The following APBB2 variants were observed in gnomAD, a reference collection of about 807,000 sequenced individuals.
The protein encoded by APBB2 is Fe65-like 1.
APBB2 carries 38 observed loss-of-function variants against 82.5 expected under a neutral mutation model. The observed-to-expected ratio is 0.46, with a 90% CI of 0.36 to 0.60. The LOEUF is 0.60. Ranked by LOEUF, APBB2 falls within the 20% of genes least tolerant of loss-of-function variation. The probability of loss-of-function intolerance (pLI) is 0.00; values close to 1 mark genes in which losing one functional copy is unlikely to be tolerated. For synonymous variants in APBB2, 341 were observed against 368.2 expected (o/e 0.93, Z 0.85); for missense variants, 772 against 972.3 (o/e 0.79, Z 2.74).
At chr4:41,173,706 A>G (rs1177567288) in intron 1 of APBB2, among the ~76,000 whole-genome samples, 1 of 152,216 alleles carries the variant, frequency 6.6e-6, no homozygotes, top group African/African-American at 2.4e-5. Flanking sequence ...AATTGAGTAG[A>G]GTAACATGCT....
intron 10 of APBB2, among the ~76,000 whole-genome samples, chr4:40,916,730 G>A (rs1005760406): frequency 6.6e-6 from 1 of 152,158 alleles, no homozygotes; most frequent in Non-Finnish European, 1.5e-5. Flanking sequence ...ATGACTGACC[G>A]ACCCTGGTGA....
At chr4:40,975,118 C>A (rs1049533238) in intron 6 of APBB2, among the ~76,000 whole-genome samples, 3 of 152,130 alleles carry the variant, frequency 2.0e-5, no homozygotes, top group African/African-American at 7.2e-5. Context: ...TCCCTAATAC[C>A]AGAGGGCTTG....
intron 3 of APBB2, among the ~76,000 whole-genome samples, chr4:41,089,277 G>A (rs988546994): frequency 6.6e-6 from 1 of 152,108 alleles, no homozygotes; most frequent in African/African-American, 2.4e-5. Flanking sequence ...TCAGATTTTT[G>A]GGATTTTGGA....
At chr4:40,890,597 C>G (rs1021990754) in intron 11 of APBB2, 106 bp from the exon 12 acceptor site, 10 of 1,448,056 alleles carry the variant, frequency 6.9e-6, no homozygotes, top group Non-Finnish European at 8.4e-6. Context: ...AAGAAGCCAC[C>G]CTGGGGTCTG....
intron 3 of APBB2, among the ~76,000 whole-genome samples, chr4:41,075,689 G>A (rs1347594900): frequency 6.6e-6 from 1 of 152,146 alleles, no homozygotes; most frequent in African/African-American, 2.4e-5. Flanking sequence ...ATGGCTCCAG[G>A]CAATGAAGGT....
chr4:41,164,188 C>T (rs1356718186), intron 1 of APBB2, among the ~76,000 whole-genome samples: 1 of 152,136 alleles, frequency 6.6e-6, no homozygotes, highest in African/African-American at 2.4e-5. Flanking sequence ...TAATTTTGTG[C>T]ATGAAACAAA....
At chr4:40,917,352 G>T (rs778011360) in intron 10 of APBB2, among the ~76,000 whole-genome samples, 1 of 152,102 alleles carries the variant, frequency 6.6e-6, no homozygotes, top group Non-Finnish European at 1.5e-5. Context: ...GAAGTGACTT[G>T]CCCAAGGTCT....
At chr4:40,915,672 C>T (rs537316761) in intron 10 of APBB2, among the ~76,000 whole-genome samples, 5 of 152,026 alleles carry the variant, frequency 3.3e-5, no homozygotes, top group Non-Finnish European at 5.9e-5. Flanking sequence ...CAAAGACCTA[C>T]AAAGACTTCA....
intron 1 of APBB2, among the ~76,000 whole-genome samples, chr4:41,149,328 T>G (rs760055550): frequency 6.6e-6 from 1 of 152,178 alleles, no homozygotes; most frequent in Non-Finnish European, 1.5e-5. Context: ...AGTTCAACTT[T>G]AACATGCCAA....
At chr4:41,008,166 G>A (rs1384321045) in intron 6 of APBB2, among the ~76,000 whole-genome samples, 1 of 152,136 alleles carries the variant, frequency 6.6e-6, no homozygotes, top group Non-Finnish European at 1.5e-5. Context: ...TAAAACACTG[G>A]AGCTGTGTCG....
At chr4:41,096,832 C>A (rs1253806615) in intron 3 of APBB2, among the ~76,000 whole-genome samples, 1 of 152,162 alleles carries the variant, frequency 6.6e-6, no homozygotes, top group Non-Finnish European at 1.5e-5. Flanking sequence ...GTACATGCTA[C>A]ATAAAGGTTA....
At chr4:41,082,993 T>C (rs1409442083) in intron 3 of APBB2, among the ~76,000 whole-genome samples, 1 of 151,820 alleles carries the variant, frequency 6.6e-6, no homozygotes, top group African/African-American at 2.4e-5. Flanking sequence ...TGAAACCCCA[T>C]CTCTACTAAA....
intron 3 of APBB2, among the ~76,000 whole-genome samples, chr4:41,097,007 G>C (rs1332739567): frequency 6.6e-6 from 1 of 152,148 alleles, no homozygotes; most frequent in Non-Finnish European, 1.5e-5. Context: ...AAAACATTCT[G>C]GATCTCCAAT....
chr4:40,918,672 TTTCCTTCC>T (rs959705028), intron 10 of APBB2, among the ~76,000 whole-genome samples: 7 of 151,968 alleles, frequency 4.6e-5, no homozygotes, highest in Admixed American at 3.3e-4. Context: ...TTTCTTTCTT[TTTCCTTCC>T]TTCCTTCCTT....
intron 2 of APBB2, among the ~76,000 whole-genome samples, chr4:41,116,538 GGA>G (rs1397799930): frequency 6.6e-6 from 1 of 152,164 alleles, no homozygotes; most frequent in African/African-American, 2.4e-5. Flanking sequence ...GGCTGAGGCA[GGA>G]GAATTGCTTG....
At chr4:41,189,623 G>C (rs1773853864) in intron 1 of APBB2, among the ~76,000 whole-genome samples, 1 of 152,124 alleles carries the variant, frequency 6.6e-6, no homozygotes, top group Admixed American at 6.5e-5. Context: ...AGCAATAAAA[G>C]CATCTCAACA....
chr4:41,193,599 T>G lies in APBB2; in HGVS notation c.-417+20806A>C. On this transcript the variant is annotated intron_variant, in intron 1 of 17. Transcript: ENST00000508593. Reference sequence around the variant, plus strand: ...CTACTTTTTGTCAGTGAGCTTAACATGTTCCTTGCGGAGGCTGCTGTTTTC... The same window carrying G: ...CTACTTTTTGTCAGTGAGCTTAACAGGTTCCTTGCGGAGGCTGCTGTTTTC... The G allele has an allele frequency of 1.5e-5, 15 of 983,864 alleles. No homozygotes were observed. The South Asian group carries it at 7.1e-4, about 46-fold the overall frequency. 60.9% of individuals were successfully genotyped at this position (983,864 alleles called of 1,614,324 possible). A position where few individuals can be genotyped will look rare whatever the true frequency, so the allele number is the denominator to read the frequency against.
intron 3 of APBB2, among the ~76,000 whole-genome samples, chr4:41,086,380 A>T (rs1356243072): frequency 6.6e-6 from 1 of 152,230 alleles, no homozygotes; most frequent in Non-Finnish European, 1.5e-5. Context: ...ACTACAAGCC[A>T]TTATTTCTTA....
intron 1 of APBB2, among the ~76,000 whole-genome samples, chr4:41,184,160 G>A (rs937649058): frequency 6.6e-6 from 1 of 152,106 alleles, no homozygotes; most frequent in Admixed American, 6.5e-5. Context: ...AGCTCAGGTG[G>A]TAATGAGAGC....
Sources: gnomAD v4.1 joint callset for allele counts (sites outside exome capture counted in the v4.1 genomes callset) on GRCh38, gnomAD v4.1.1 for gene constraint, MANE v1.5 for transcripts, NCBI Gene and HGNC (gene_info 2026-07-23, HGNC 2026-07-21) for gene names.